LAMA3: variants seen among roughly 807,000 people sequenced by gnomAD.
LAMA3 encodes the protein laminin subunit alpha 3, also known as laminin subunit alpha-3.
LAMA3 carries 281 observed loss-of-function variants against 402.0 expected under a neutral mutation model. That is an observed-to-expected ratio of 0.70 (90% CI 0.63 to 0.77). LAMA3 has a LOEUF of 0.77. Among genes scored for constraint, LAMA3 ranks in the 30% least tolerant of loss-of-function variants. LAMA3 has a pLI of 0.00. For missense variants in LAMA3, 3,840 were observed against 4,215.5 expected, an observed-to-expected ratio of 0.91 and a Z score of 2.47; for synonymous variants, 1,431 against 1,558.4, an observed-to-expected ratio of 0.92 and a Z score of 1.93.
chr18:23,746,694 C>G (rs1167919757), intron 2 of LAMA3, among the ~76,000 whole-genome samples: 1 of 151,858 alleles, frequency 6.6e-6, no homozygotes, highest in Non-Finnish European at 1.5e-5. Flanking sequence ...AGTTTTTTAA[C>G]TTTAATTTTT....
Position 23,776,841 on chromosome 18 carries a change from C to CTTTT in LAMA3, c.1406-703_1406-700dup, listed in dbSNP as rs34901172. On this transcript the variant is annotated intron_variant, in intron 10 of 74. Coordinates refer to ENST00000313654, the MANE Select transcript of LAMA3 (RefSeq NM_198129.4). The stretch of plus-strand genomic sequence containing the variant: ...AAGGCTGAACAGAAATTGTATTTGC[C>CTTTT]TTTTTTTTTTTTTTTTGAGACAGAA... Among the ~76,000 whole-genome samples, 427 of 135,868 alleles carry CTTTT rather than the reference C, an allele frequency of 3.1e-3. 4 individuals carry two copies. Among genetic ancestry groups the CTTTT allele is most frequent in the African/African-American group, 0.01 (378 of 36,416 alleles). 89.1% of individuals were successfully genotyped at this position (135,868 alleles called of 152,430 possible).
At chr18:23,778,289 G>A (rs1193537380) in intron 11 of LAMA3, among the ~76,000 whole-genome samples, 3 of 152,190 alleles carry the variant, frequency 2.0e-5, no homozygotes, top group African/African-American at 7.2e-5. Context: ...TACCATTCTG[G>A]CTGCTGGGGA....
chr18:23,839,706 G>A lies in LAMA3; in HGVS notation c.3192-79G>A. ...ATGCCCATGCAGTCCTATGCTCCAAGTCTGTCTCTTCACTGATGGTCAGTT... is the reference window on the plus strand; with the variant it reads ...ATGCCCATGCAGTCCTATGCTCCAAATCTGTCTCTTCACTGATGGTCAGTT... On this transcript the variant is annotated intron_variant, in intron 26 of 74. Coordinates refer to ENST00000313654, the MANE Select transcript of LAMA3 (RefSeq NM_198129.4). This position sits in a 1 kb window ranked among gnomAD's most constrained non-coding sequence, Gnocchi z 4.5. 6.7e-7 allele frequency: 1 copy of A among 1,496,960 alleles called. No individual in the cohort carries two copies. The allele number at this position is 1,496,960 out of a possible 1,614,324, so 92.7% of individuals were successfully genotyped here.
rs1312040777 is a variant in LAMA3 at position 23,810,627 on chromosome 18, C to T, written c.1741+124C>T. ...TGGCCACCCCCACATCCTGCTTTCA[C>T]AGATCTAGTCTGCTTGGTTCCTCAC... On this transcript the variant is annotated intron_variant, in intron 13 of 74. Transcript: ENST00000313654. 8.6e-6 allele frequency: 9 copies of T among 1,050,914 alleles called. No individual in the cohort carries two copies. The Admixed American group carries it at 1.6e-4, about 19-fold the overall frequency. The allele number at this position is 1,050,914 out of a possible 1,614,324, so 65.1% of individuals were successfully genotyped here.
chr18:23,893,710 G>C (rs895030841), intron 42 of LAMA3, among the ~76,000 whole-genome samples: 1 of 152,146 alleles, frequency 6.6e-6, no homozygotes, highest in Non-Finnish European at 1.5e-5. Context: ...TAACTTGTCT[G>C]CCCCCCGTGT....
Position 23,781,047 on chromosome 18 carries a change from A to C in LAMA3, c.1469-2976A>C, listed in dbSNP as rs1598779260. On this transcript the variant is annotated intron_variant, in intron 11 of 74. Transcript: ENST00000313654. ...CTGGCAGTAGAGACGGACTCAAGGG[A>C]TTTTCTTGAGATATAATCACTGTGA... is the stretch of plus-strand genomic sequence containing the variant. Among the ~76,000 whole-genome samples, 2 of 152,192 alleles carry C rather than the reference A, an allele frequency of 1.3e-5. 1 individual carries two copies. The highest frequency in any genetic ancestry group is 4.2e-4 in the South Asian group (2 of 4,812).
In LAMA3 at chr18:23,879,699, G is replaced by C. The variant is rs934142439; in HGVS notation, c.5113-2237G>C. Among the ~76,000 whole-genome samples the C allele has an allele frequency of 6.6e-6, 1 of 152,232 alleles. No homozygotes were observed. The highest frequency in any genetic ancestry group is 1.5e-5 in the Non-Finnish European group (1 of 68,036). On this transcript the variant is annotated intron_variant, in intron 39 of 74. Coordinates refer to ENST00000313654, the MANE Select transcript of LAMA3 (RefSeq NM_198129.4). The surrounding 1 kb of genome is among the most constrained non-coding windows in gnomAD (Gnocchi z 4.2). Reference sequence around the variant, plus strand: ...CACAGTAAAACACAAGGAACCTGAAGGGAGGTGCTCCAAGTTTGCAGGACT... The same window carrying C: ...CACAGTAAAACACAAGGAACCTGAACGGAGGTGCTCCAAGTTTGCAGGACT...
chr18:23,849,031 C>T (rs2063887264), intron 32 of LAMA3, among the ~76,000 whole-genome samples: 1 of 152,182 alleles, frequency 6.6e-6, no homozygotes, highest in African/African-American at 2.4e-5. Context: ...ATAAGGACAC[C>T]AGTCATACTG....
At chr18:23,785,110 G>A (rs973635185) in intron 12 of LAMA3, among the ~76,000 whole-genome samples, 1 of 152,138 alleles carries the variant, frequency 6.6e-6, no homozygotes, top group Non-Finnish European at 1.5e-5. Context: ...TTCATCTCTT[G>A]GCATCCAGGA....
intron 41 of LAMA3, among the ~76,000 whole-genome samples, chr18:23,885,965 T>A (rs763666232): frequency 1.6e-4 from 25 of 152,226 alleles, no homozygotes; most frequent in Non-Finnish European, 2.8e-4. Flanking sequence ...TTACTTTCTG[T>A]TTTGACTTGT....
intron 68 of LAMA3, among the ~76,000 whole-genome samples, chr18:23,940,486 G>A (rs1428536628): frequency 6.6e-6 from 1 of 152,196 alleles, no homozygotes; most frequent in Non-Finnish European, 1.5e-5. Flanking sequence ...ACTTCTCTAA[G>A]CCTAAGCTGT....
chr18:23,690,872 A>ATTATTTAT (rs10665618), intron 1 of LAMA3, among the ~76,000 whole-genome samples: 15,147 of 136,876 alleles, frequency 0.11, 973 homozygotes, highest in Non-Finnish European at 0.14. Flanking sequence ...AGGCCTGGCA[A>ATTATTTAT]TTATTTATTT....
At chr18:23,780,483 G>T (rs1027594085) in intron 11 of LAMA3, among the ~76,000 whole-genome samples, 2 of 152,106 alleles carry the variant, frequency 1.3e-5, no homozygotes, top group African/African-American at 4.8e-5. Flanking sequence ...AAGAGAAGCC[G>T]TGGGGCTAGG....
chr18:23,831,282 A>G (rs763988104), intron 23 of LAMA3, among the ~76,000 whole-genome samples: 2 of 152,178 alleles, frequency 1.3e-5, no homozygotes, highest in Non-Finnish European at 2.9e-5. Context: ...AGATTTTAAC[A>G]TGGCTTATAA....
intron 2 of LAMA3, among the ~76,000 whole-genome samples, chr18:23,729,253 G>A (rs2061351429): frequency 6.6e-6 from 1 of 151,994 alleles, no homozygotes; most frequent in African/African-American, 2.4e-5. Context: ...CACCACCTAG[G>A]AGAATGTCTG....
chr18:23,693,163 G>A (rs1402851782), intron 1 of LAMA3, among the ~76,000 whole-genome samples: 12 of 152,170 alleles, frequency 7.9e-5, no homozygotes, highest in Admixed American at 7.9e-4. Flanking sequence ...GGCCAGCATG[G>A]TGAAACCCCG....
rs770095197 is a variant in LAMA3 at position 23,949,959 on chromosome 18, A to G, written c.9511+35A>G. On this transcript the variant is annotated intron_variant, in intron 71 of 74. Coordinates refer to ENST00000313654, the MANE Select transcript of LAMA3 (RefSeq NM_198129.4). The stretch of plus-strand genomic sequence containing the variant: ...AGTTCTATAGAATTTAAGTCTTTGC[A>G]TCTTAAGAACTGTATCCTGTTTTCT... 3 of 1,614,002 alleles carry G rather than the reference A, an allele frequency of 1.9e-6. No individual in the cohort carries two copies. In the East Asian group the frequency reaches 6.7e-5, roughly 36 times the overall value.
chr18:23,884,682 C>A, intron 40 of LAMA3, 91 bp from the exon 41 acceptor site: 1 of 1,236,924 alleles, frequency 8.1e-7, no homozygotes, highest in Non-Finnish European at 1.2e-6. Context: ...TCAGTGCTCA[C>A]TTAATACAAG....
chr18:23,731,667 A>G (rs2061396410), intron 2 of LAMA3, among the ~76,000 whole-genome samples: 1 of 152,144 alleles, frequency 6.6e-6, no homozygotes, highest in Admixed American at 6.5e-5. Flanking sequence ...AGGAGGTAAG[A>G]GTAGGTTTCC....
Sources: gnomAD v4.1 joint callset for allele counts (sites outside exome capture counted in the v4.1 genomes callset) on GRCh38, gnomAD v4.1.1 for gene constraint, Gnocchi (gnomAD v3.1) non-coding constraint, MANE v1.5 for transcripts, NCBI Gene and HGNC (gene_info 2026-07-23, HGNC 2026-07-21) for gene names.